The following FAM50B variants were observed in gnomAD, a reference collection of about 807,000 sequenced individuals.
FAM50B encodes family with sequence similarity 50 member B, also known as protein FAM50B.
FAM50B carries 9 observed loss-of-function variants against 25.4 expected under a neutral mutation model. That is an observed-to-expected ratio of 0.35 (90% CI 0.21 to 0.62). The LOEUF (loss-of-function observed/expected upper bound fraction) is 0.62. FAM50B is among the 20% of genes least tolerant of loss of function. The probability of loss-of-function intolerance (pLI) is 0.73; values close to 1 mark genes in which losing one functional copy is unlikely to be tolerated. For synonymous variants in FAM50B, 212 were observed against 204.3 expected (o/e 1.04, Z -0.32); for missense variants, 372 against 477.9 (o/e 0.78, Z 2.07).
chr6:3,849,816 C>T lies in FAM50B; in HGVS notation c.5C>T (p.Ala2Val). The T allele has an allele frequency of 1.2e-6, 2 of 1,605,044 alleles. No homozygotes were observed. The highest frequency in any genetic ancestry group is 1.7e-6 in the Non-Finnish European group (2 of 1,174,788). The change falls in exon 2 of 2, where the codon GCG becomes GTG. Residue 2 changes from alanine to valine, a missense_variant. Ala to Val is a moderately conservative substitution (Grantham distance 64). Around this residue, in one of 4 missense-constraint regions of FAM50B, gnomAD observed 64 missense variants for 118.3 expected, o/e 0.54. Coordinates refer to ENST00000648326, the MANE Select transcript of FAM50B (RefSeq NM_012135.3). M[A>V]QYKGTMREAG... ...CCCATCGGGTAGGCGCGGGCCATGG[C>T]GCAGTACAAGGGCACCATGCGCGAG...
chr6:3,850,240 C>T lies in FAM50B; in HGVS notation c.429C>T (p.Gly143=). ...AAEARRAGNL[G]KNPDVDTSFL... ...AGGCCAGGCGCGCCGGAAACCTGGGCAAGAACCCCGACGTGGACACCAGCT... is the reference window on the plus strand; with the variant it reads ...AGGCCAGGCGCGCCGGAAACCTGGGTAAGAACCCCGACGTGGACACCAGCT... Residue 143 remains glycine (G), a synonymous_variant, in exon 2 of 2, where the codon GGC becomes GGT. Coordinates refer to ENST00000648326, the MANE Select transcript of FAM50B (RefSeq NM_012135.3). 6.2e-7 allele frequency: 1 copy of T among 1,613,252 alleles called. No homozygotes were observed.
At chr6:3,839,297 A>G in the FAM50B span, among the ~76,000 whole-genome samples, 2 of 152,030 alleles carry the variant, frequency 1.3e-5, no homozygotes, top group African/African-American at 2.4e-5. Context: ...CTAACAGGTC[A>G]AGAGCTCACT....
Position 3,850,000 on chromosome 6 carries a change from C to T in FAM50B, c.189C>T (p.Ser63=), listed in dbSNP as rs1028980548. 6.2e-7 allele frequency: 1 copy of T among 1,613,836 alleles called. No homozygotes were observed. Among genetic ancestry groups the T allele is most frequent in the African/African-American group, 1.3e-5 (1 of 75,050 alleles). ...YDAVEAELKS[S]TVGLVTLNDM... ...CCGTGGAGGCCGAGCTGAAGTCCAG[C>T]ACGGTGGGCCTGGTGACCCTGAACG... Residue 63 remains serine (S), a synonymous_variant, in exon 2 of 2, where the codon AGC becomes AGT. Coordinates refer to ENST00000648326, the MANE Select transcript of FAM50B (RefSeq NM_012135.3).
the FAM50B span, among the ~76,000 whole-genome samples, chr6:3,835,851 C>T: frequency 6.4e-4 from 98 of 152,322 alleles, no homozygotes; most frequent in Non-Finnish European, 9.6e-4. Context: ...CAACCTCACG[C>T]GGGACTATTT....
upstream of FAM50B, among the ~76,000 whole-genome samples, chr6:3,847,629 A>G (rs1342494515): frequency 6.6e-6 from 1 of 152,226 alleles, no homozygotes. Context: ...CTTTCTTATC[A>G]TTCATATGTT....
At chr6:3,837,782 C>T in the FAM50B span, among the ~76,000 whole-genome samples, 2 of 135,740 alleles carry the variant, frequency 1.5e-5, no homozygotes, top group Non-Finnish European at 3.4e-5. Context: ...GAGAGCTGAA[C>T]TGGCTTTTAT....
At chr6:3,834,861 GATCCCA>G in the FAM50B span, among the ~76,000 whole-genome samples, 39 of 152,224 alleles carry the variant, frequency 2.6e-4, no homozygotes, top group South Asian at 7.7e-3. Flanking sequence ...CATACAGAAT[GATCCCA>G]TTTATATTAA....
chr6:3,837,761 G>C, the FAM50B span, among the ~76,000 whole-genome samples: 523 of 150,358 alleles, frequency 3.5e-3, 3 homozygotes, highest in African/African-American at 0.012. Context: ...GAGAGAGAGG[G>C]GGCCACAAGA....
chr6:3,834,243 A>C, the FAM50B span, among the ~76,000 whole-genome samples: 4,773 of 152,086 alleles, frequency 0.031, 147 homozygotes, highest in South Asian at 0.16. Flanking sequence ...TCTTATATTC[A>C]AATATGTATG....
chr6:3,839,439 C>G, the FAM50B span, among the ~76,000 whole-genome samples: 4 of 152,058 alleles, frequency 2.6e-5, no homozygotes, highest in East Asian at 7.8e-4. Flanking sequence ...GTCAAATATC[C>G]AAACTACAGC....
chr6:3,850,068 G>A lies in FAM50B; in HGVS notation c.257G>A (p.Arg86Gln), dbSNP rs763572373. ...GAGGCCCTGGTCAGGGAGCGCGAGC[G>A]GCAGCTGGCCAAGCGCCAGCACCTG... ...RQEALVRERE[R>Q]QLAKRQHLEE... The change falls in exon 2 of 2, where the codon CGG (arginine) becomes CAG (glutamine). Residue 86 changes from arginine (R) to glutamine (Q), a missense_variant. Transcript: ENST00000648326. The A allele has an allele frequency of 3.1e-6, 5 of 1,610,978 alleles. No homozygotes were observed. The highest frequency in any genetic ancestry group is 1.7e-5 in the Admixed American group (1 of 59,796).
the FAM50B span, among the ~76,000 whole-genome samples, chr6:3,835,048 G>A: frequency 6.6e-6 from 1 of 152,164 alleles, no homozygotes. Context: ...GAGAAATACA[G>A]GTTGGGTAAT....
the FAM50B span, among the ~76,000 whole-genome samples, chr6:3,832,505 C>T: frequency 6.6e-6 from 1 of 152,352 alleles, no homozygotes; most frequent in South Asian, 2.1e-4. Context: ...CACTGCCTGT[C>T]CCTGGCTTCT....
upstream of FAM50B, among the ~76,000 whole-genome samples, chr6:3,846,312 G>C (rs1421620014): frequency 6.6e-6 from 1 of 152,168 alleles, no homozygotes; most frequent in Non-Finnish European, 1.5e-5. Flanking sequence ...AAATTTTCTA[G>C]TGCATATAAA....
At chr6:3,840,356 C>G in the FAM50B span, among the ~76,000 whole-genome samples, 2 of 151,938 alleles carry the variant, frequency 1.3e-5, no homozygotes, top group Non-Finnish European at 2.9e-5. Context: ...GCCTGTAATC[C>G]CAGCTACCCG....
chr6:3,838,817 G>A, the FAM50B span, among the ~76,000 whole-genome samples: 3 of 145,942 alleles, frequency 2.1e-5, no homozygotes, highest in Non-Finnish European at 3.0e-5. Context: ...CTCCAGCCTG[G>A]GTGACAGAGC....
At position 3,850,291 on chromosome 6, in the gene FAM50B, G is replaced by C. The variant is rs1291772543; in HGVS notation, c.480G>C (p.Glu160Asp). Residue 160 changes from glutamate (E) to aspartate (D), a missense_variant, in exon 2 of 2, where the codon GAG (glutamate) becomes GAC (aspartate). Glu to Asp is a conservative substitution (Grantham distance 45). This residue lies in a region of FAM50B where 224 missense variants were observed against 232.2 expected (regional missense o/e 0.96). Coordinates refer to ENST00000648326, the MANE Select transcript of FAM50B (RefSeq NM_012135.3). ...TCCTGCCAGACCGCGACCGCGAGGA[G>C]GAGGAGAACCGGCTCCGAGAGGAGC... ...TSFLPDRDREEEENRLREELR... is the reference protein window; with the variant it reads ...TSFLPDRDREDEENRLREELR... 1 of 1,613,184 alleles carries C rather than the reference G, an allele frequency of 6.2e-7. No individual in the cohort carries two copies. Among genetic ancestry groups the C allele is most frequent in the Non-Finnish European group, 8.5e-7 (1 of 1,179,790 alleles).
chr6:3,846,411 T>G (rs1420996833), upstream of FAM50B, among the ~76,000 whole-genome samples: 5 of 152,228 alleles, frequency 3.3e-5, no homozygotes, highest in Admixed American at 3.3e-4. Context: ...TAAAAATACT[T>G]AATTGCTAAA....
At chr6:3,839,234 A>G in the FAM50B span, among the ~76,000 whole-genome samples, 1 of 151,836 alleles carries the variant, frequency 6.6e-6, no homozygotes, top group South Asian at 2.1e-4. Flanking sequence ...GGGGACGCAA[A>G]AGGAGAGAGG....
Sources: gnomAD v4.1 joint callset for allele counts (sites outside exome capture counted in the v4.1 genomes callset) on GRCh38, gnomAD v4.1.1 for gene constraint, gnomAD v4.1.1 regional missense constraint, MANE v1.5 for transcripts, NCBI Gene and HGNC (gene_info 2026-07-23, HGNC 2026-07-21) for gene names.